The following HDAC11 variants were observed in gnomAD, a reference collection of about 807,000 sequenced individuals.
The protein encoded by HDAC11 is histone deacetylase 11.
HDAC11 carries 23 observed loss-of-function variants against 41.1 expected under a neutral mutation model. That is an observed-to-expected ratio of 0.56 (90% CI 0.40 to 0.79). The LOEUF is 0.79. Among genes scored for constraint, HDAC11 ranks in the 30% least tolerant of loss-of-function variants. The pLI is 0.00. For synonymous variants in HDAC11, 187 were observed against 186.6 expected (o/e 1.00, Z -0.02); for missense variants, 402 against 477.3 (o/e 0.84, Z 1.47).
Position 13,499,539 on chromosome 3 carries a change from C to T in HDAC11, c.412+984C>T, listed in dbSNP as rs935508752. ...CCTGTCTCACTGATGAGGAAATGGC[C>T]ATGGAAAGATGCGTACTGGATCGTG... On this transcript the variant is annotated intron_variant, in intron 5 of 9. Coordinates refer to ENST00000295757, the MANE Select transcript of HDAC11 (RefSeq NM_024827.4). Among the ~76,000 whole-genome samples the T allele has an allele frequency of 4.6e-5, 7 of 152,174 alleles. No individual in the cohort carries two copies. In the South Asian group the frequency reaches 1.4e-3, roughly 32 times the overall value.
At chr3:13,486,886 A>G (rs1701621695) in intron 3 of HDAC11, among the ~76,000 whole-genome samples, 1 of 152,116 alleles carries the variant, frequency 6.6e-6, no homozygotes, top group African/African-American at 2.4e-5. Context: ...GCCCTCATGT[A>G]TAGCTTTGAA....
At chr3:13,490,577 G>A (rs1272222344) in intron 3 of HDAC11, among the ~76,000 whole-genome samples, 1 of 151,870 alleles carries the variant, frequency 6.6e-6, no homozygotes, top group Non-Finnish European at 1.5e-5. Flanking sequence ...CTATTCCCAT[G>A]CATTTTATTC....
At chr3:13,503,240 T>G in intron 8 of HDAC11, 1 of 305,518 alleles carries the variant, frequency 3.3e-6, no homozygotes, top group South Asian at 5.4e-5. Flanking sequence ...AAAAGAAAAA[T>G]AGGATAAATT....
At chr3:13,486,826 G>T (rs1238141332) in intron 3 of HDAC11, among the ~76,000 whole-genome samples, 1 of 152,088 alleles carries the variant, frequency 6.6e-6, no homozygotes, top group Non-Finnish European at 1.5e-5. Flanking sequence ...CAATCCATCT[G>T]CCTCGGCCTC....
Position 13,504,097 on chromosome 3 carries a change from C to A in HDAC11, c.653C>A (p.Ala218Asp). The A allele has an allele frequency of 6.2e-7, 1 of 1,613,826 alleles. No homozygotes were observed. Among genetic ancestry groups the A allele is most frequent in the Non-Finnish European group, 8.5e-7 (1 of 1,179,928 alleles). The change falls in exon 9 of 10, where the codon GCC becomes GAC. Residue 218 changes from alanine to aspartate, a missense_variant. Physicochemically the swap from Ala to Asp is moderately radical, Grantham distance 126. Coordinates refer to ENST00000295757, the MANE Select transcript of HDAC11 (RefSeq NM_024827.4). ...IYPGDRFAKQ[A>D]IRRKVELEWG... ...GCCATCCATGTCTCTCTCCCAGAGG[C>A]CATCAGGCGGAAGGTGGAGCTGGAG...
chr3:13,490,616 T>G (rs1701807150), intron 3 of HDAC11, among the ~76,000 whole-genome samples: 1 of 152,142 alleles, frequency 6.6e-6, no homozygotes, highest in South Asian at 2.1e-4. Flanking sequence ...ATGAAATTGT[T>G]TGAATTTCCT....
At chr3:13,498,793 G>T (rs759234414) in intron 5 of HDAC11, among the ~76,000 whole-genome samples, 2 of 152,152 alleles carry the variant, frequency 1.3e-5, no homozygotes, top group Non-Finnish European at 2.9e-5. Context: ...TGTCTAAGGA[G>T]GTCCCCGGGT....
chr3:13,491,601 G>A (rs1701869388), intron 3 of HDAC11, among the ~76,000 whole-genome samples: 1 of 152,194 alleles, frequency 6.6e-6, no homozygotes, highest in African/African-American at 2.4e-5. Flanking sequence ...AGGGCAGCGG[G>A]TCCGCCTGAG....
chr3:13,494,875 G>A (rs1031587825), intron 3 of HDAC11, among the ~76,000 whole-genome samples: 8 of 152,204 alleles, frequency 5.3e-5, no homozygotes, highest in Admixed American at 5.2e-4. Context: ...CCTGACTTAG[G>A]GTGTGTCCTG....
Position 13,504,901 on chromosome 3 carries a change from T to C in HDAC11, c.*218T>C. On this transcript the variant is annotated 3_prime_UTR_variant, in exon 10 of 10. Transcript: ENST00000295757. The stretch of plus-strand genomic sequence containing the variant: ...GTGGGGGCAGAAGGCAGAGCCTGTG[T>C]CCCAGGGGGACCCACACGAAGTCAC... 3.4e-6 allele frequency: 2 copies of C among 596,968 alleles called. No individual in the cohort carries two copies. Among genetic ancestry groups the C allele is most frequent in the Non-Finnish European group, 3.0e-6 (1 of 336,176 alleles). 37.0% of individuals were successfully genotyped at this position (596,968 alleles called of 1,614,324 possible).
In HDAC11 at chr3:13,504,501, A is replaced by G; in HGVS notation, c.862A>G (p.Met288Val). The G allele has an allele frequency of 1.9e-6, 3 of 1,613,350 alleles. No homozygotes were observed. The highest frequency in any genetic ancestry group is 1.7e-6 in the Non-Finnish European group (2 of 1,179,996). ...GAAGCGGGATGAGCTGGTGTTCCGG[A>G]TGGTCCGTGGCCGCCGGGTGCCCAT... ...IVKRDELVFR[M>V]VRGRRVPILM... The change falls in exon 10 of 10, where the codon ATG (methionine) becomes GTG (valine). Residue 288 changes from methionine (M) to valine (V), a missense_variant. By Grantham distance (21) the Met-to-Val change is conservative. Coordinates refer to ENST00000295757, the MANE Select transcript of HDAC11 (RefSeq NM_024827.4).
At chr3:13,481,174 G>C in intron 1 of HDAC11, 72 bp from the exon 2 acceptor site, 1 of 1,514,638 alleles carries the variant, frequency 6.6e-7, no homozygotes, top group Non-Finnish European at 8.9e-7. Flanking sequence ...GGTCAGTCCA[G>C]GCGGGCTCGG....
chr3:13,504,365 G>T, intron 9 of HDAC11, 93 bp downstream of exon 9: 1 of 1,585,174 alleles, frequency 6.3e-7, no homozygotes, highest in Non-Finnish European at 8.6e-7. Context: ...GGAGGAGATG[G>T]ACTGAAGCAA....
At position 13,502,038 on chromosome 3, in the gene HDAC11, C is replaced by T. The variant is rs149875787; in HGVS notation, c.552+105C>T. The T allele has an allele frequency of 3.2e-5, 28 of 871,192 alleles. No individual in the cohort carries two copies. The highest frequency in any genetic ancestry group is 2.4e-4 in the Middle Eastern group (1 of 4,118). The allele number at this position is 871,192 out of a possible 1,614,324, so 54.0% of individuals were successfully genotyped here. On this transcript the variant is annotated intron_variant, in intron 7 of 9. Coordinates refer to ENST00000295757, the MANE Select transcript of HDAC11 (RefSeq NM_024827.4). This position sits in a 1 kb window ranked among gnomAD's most constrained non-coding sequence, Gnocchi z 4.1. ...CCTCCTCATGTCCCCACGGCTCTCA[C>T]GGCTTCTGTCTTCTGTCTCTCGGGC...
At position 13,502,866 on chromosome 3, in the gene HDAC11, A is replaced by C; in HGVS notation, c.553-18A>C. 2 of 1,607,018 alleles carry C rather than the reference A, an allele frequency of 1.2e-6. No homozygotes were observed. On this transcript the variant is annotated intron_variant, in intron 7 of 9. Coordinates refer to ENST00000295757, the MANE Select transcript of HDAC11 (RefSeq NM_024827.4). This position sits in a 1 kb window ranked among gnomAD's most constrained non-coding sequence, Gnocchi z 4.1. ...CTAGGGCACCTACCCGAGAGCGGCT[A>C]CTGTGACCTCCCCACAGGGCAATGG...
intron 3 of HDAC11, among the ~76,000 whole-genome samples, chr3:13,487,506 C>G (rs1025838628): frequency 6.6e-6 from 1 of 152,212 alleles, no homozygotes; most frequent in Non-Finnish European, 1.5e-5. Flanking sequence ...TTCAGGGAAA[C>G]CCATGTTTAT....
Position 13,481,302 on chromosome 3 carries a change from A to G in HDAC11, c.59A>G (p.Tyr20Cys). The G allele has an allele frequency of 6.2e-7, 1 of 1,613,264 alleles. No homozygotes were observed. ...HVPETRWPIV[Y>C]SPRYNITFMG... Reference sequence around the variant, plus strand: ...CCAGAGACACGCTGGCCAATCGTGTACTCGCCGCGCTACAACATCACCTTC... The same window carrying G: ...CCAGAGACACGCTGGCCAATCGTGTGCTCGCCGCGCTACAACATCACCTTC... Residue 20 changes from tyrosine (Y) to cysteine (C), a missense_variant, in exon 2 of 10, where the codon TAC (tyrosine) becomes TGC (cysteine). Physicochemically the swap from Tyr to Cys is radical, Grantham distance 194. Coordinates refer to ENST00000295757, the MANE Select transcript of HDAC11 (RefSeq NM_024827.4).
At position 13,500,781 on chromosome 3, in the gene HDAC11, G is replaced by C; in HGVS notation, c.481G>C (p.Ala161Pro). Reference sequence around the variant, plus strand: ...CTGTGCCTATGCGGACATCACGCTCGCCATCAAGGTGTGTCTATGAGCAAG... The same window carrying C: ...CTGTGCCTATGCGGACATCACGCTCCCCATCAAGGTGTGTCTATGAGCAAG... The part of the protein sequence containing the change: ...GFCAYADITL[A>P]IKFLFERVEG... Residue 161 changes from alanine to proline, a missense_variant, in exon 6 of 10, where the codon GCC (alanine) becomes CCC (proline). By Grantham distance (27) the Ala-to-Pro change is conservative (BLOSUM62 -1). Coordinates refer to ENST00000295757, the MANE Select transcript of HDAC11 (RefSeq NM_024827.4). 1 of 1,568,622 alleles carries C rather than the reference G, an allele frequency of 6.4e-7. No homozygotes were observed. Among genetic ancestry groups the C allele is most frequent in the Non-Finnish European group, 8.7e-7 (1 of 1,154,296 alleles).
rs201799975 is a variant in HDAC11, at chr3:13,496,714, C to G, written c.253-22C>G. The G allele has an allele frequency of 1.0e-5, 16 of 1,526,558 alleles. No individual in the cohort carries two copies. The Admixed American group carries it at 1.4e-4, about 14-fold the overall frequency. The allele number at this position is 1,526,558 out of a possible 1,614,324, so 94.6% of individuals were successfully genotyped here. On this transcript the variant is annotated intron_variant, in intron 3 of 9. Coordinates refer to ENST00000295757, the MANE Select transcript of HDAC11 (RefSeq NM_024827.4). ...CTCAGGGTGGGGAAGCGGAGGCCAA[C>G]AGCCCCTGTCTTTTTCCGCAGTGGT...
Sources: allele counts gnomAD v4.1 joint callset (sites outside exome capture counted in the v4.1 genomes callset), GRCh38; gene constraint gnomAD v4.1.1; non-coding constraint Gnocchi (gnomAD v3.1); transcripts MANE v1.5; gene names NCBI Gene and HGNC (gene_info 2026-07-23, HGNC 2026-07-21).